TBC1D20: variants seen among roughly 807,000 people sequenced by gnomAD.
The protein encoded by TBC1D20 is chromosome 20 open reading frame 140.
TBC1D20 carries 12 observed loss-of-function variants against 41.6 expected under a neutral mutation model. The ratio of observed to expected loss-of-function variants is 0.29; its 90% CI spans 0.18 to 0.47. The LOEUF (loss-of-function observed/expected upper bound fraction) is 0.47. Ranked by LOEUF, TBC1D20 falls within the 20% of genes least tolerant of loss-of-function variation. TBC1D20 has a pLI of 1.00. For missense variants in TBC1D20, 421 were observed against 517.4 expected (o/e 0.81, Z 1.81); for synonymous variants, 205 against 204.8 (o/e 1.00, Z -0.01).
intron 1 of TBC1D20, among the ~76,000 whole-genome samples, chr20:462,123 G>C (rs1568471524): frequency 6.6e-6 from 1 of 152,168 alleles, no homozygotes; most frequent in African/African-American, 2.4e-5. Context: ...GGCTCCCTCG[G>C]GTCAGCTCGG....
intron 3 of TBC1D20, among the ~76,000 whole-genome samples, chr20:444,757 C>T (rs2017300291): frequency 6.6e-6 from 1 of 152,168 alleles, no homozygotes; most frequent in Non-Finnish European, 1.5e-5. Flanking sequence ...CACCAATCTG[C>T]TCTTTAATGC....
chr20:460,784 AC>A (rs1265742058), intron 1 of TBC1D20, among the ~76,000 whole-genome samples: 1 of 152,230 alleles, frequency 6.6e-6, no homozygotes, highest in Non-Finnish European at 1.5e-5. Flanking sequence ...CAAAACAATA[AC>A]AAAAACAAAA....
chr20:459,427 A>C (rs2017593932), intron 1 of TBC1D20, among the ~76,000 whole-genome samples: 1 of 152,100 alleles, frequency 6.6e-6, no homozygotes, highest in Non-Finnish European at 1.5e-5. Flanking sequence ...CCCACTTACA[A>C]GATAGTGCAC....
At chr20:444,486 T>C (rs563812551) in intron 3 of TBC1D20, among the ~76,000 whole-genome samples, 2 of 151,498 alleles carry the variant, frequency 1.3e-5, no homozygotes, top group Admixed American at 1.3e-4. Flanking sequence ...CTGTGAAAAT[T>C]GAGACAACGG....
At chr20:451,236 A>G (rs1041730641) in intron 1 of TBC1D20, among the ~76,000 whole-genome samples, 2 of 152,168 alleles carry the variant, frequency 1.3e-5, no homozygotes, top group Non-Finnish European at 2.9e-5. Flanking sequence ...CTTGCAGTGT[A>G]AGACGACCTT....
At chr20:459,481 G>A (rs988863976) in intron 1 of TBC1D20, among the ~76,000 whole-genome samples, 1 of 152,070 alleles carries the variant, frequency 6.6e-6, no homozygotes, top group Admixed American at 6.6e-5. Context: ...TTATAGTAGA[G>A]GTCTTGGCTA....
chr20:458,936 C>T (rs868708863), intron 1 of TBC1D20, among the ~76,000 whole-genome samples: 8 of 152,172 alleles, frequency 5.3e-5, no homozygotes, highest in Admixed American at 6.5e-5. Context: ...CCTCCTCAAC[C>T]CCACAGCCTA....
chr20:452,565 T>A (rs1197581239), intron 1 of TBC1D20, among the ~76,000 whole-genome samples: 1 of 152,108 alleles, frequency 6.6e-6, no homozygotes, highest in East Asian at 1.9e-4. Flanking sequence ...TGTGGTGAGC[T>A]ATGATAGCAC....
In TBC1D20 at chr20:440,311, G is replaced by A. The variant is rs768956452; in HGVS notation, c.705C>T (p.Val235=). The A allele has an allele frequency of 5.6e-6, 9 of 1,613,954 alleles. No homozygotes were observed. The South Asian group carries it at 7.7e-5, about 14-fold the overall frequency. The change falls in exon 6 of 8, where the codon GTC becomes GTT. Residue 235 remains valine (V), a synonymous_variant. Coordinates refer to ENST00000354200, the MANE Select transcript of TBC1D20 (RefSeq NM_144628.4). The part of the protein sequence containing the change: ...FGHVLSDFRH[V]VRLYDFFLAC... ...CCAGGAAGAAGTCATATAACCGCAC[G>A]ACGTGCCTGAAGTCAGACAGGACAT...
rs1280141129 is a variant in TBC1D20, at chr20:441,964, C to T, written c.417G>A (p.Gln139=). 2 of 1,614,086 alleles carry T rather than the reference C, an allele frequency of 1.2e-6. No homozygotes were observed. Among genetic ancestry groups the T allele is most frequent in the Non-Finnish European group, 1.7e-6 (2 of 1,180,012 alleles). The change falls in exon 4 of 8, where the codon CAG becomes CAA. Residue 139 remains glutamine (Q), a synonymous_variant. Coordinates refer to ENST00000354200, the MANE Select transcript of TBC1D20 (RefSeq NM_144628.4). ...IILLILERNP[Q]LHYYQGYHDI... The stretch of plus-strand genomic sequence containing the variant: ...CATGGTAGCCCTGGTAGTAGTGCAG[C>T]TGAGGGTTGCGCTCCAAGATGAGGA...
chr20:460,348 C>CTTAA (rs2017608015), intron 1 of TBC1D20, among the ~76,000 whole-genome samples: 1 of 151,076 alleles, frequency 6.6e-6, no homozygotes, highest in African/African-American at 2.4e-5. Flanking sequence ...GGGAGGAGCA[C>CTTAA]TTAAGTCCAG....
intron 1 of TBC1D20, among the ~76,000 whole-genome samples, chr20:453,153 CAAAAAAAAAAAAAAAAAAAAAAAA>C (rs71191943): frequency 8.9e-5 from 4 of 44,838 alleles, no homozygotes; most frequent in Non-Finnish European, 1.1e-4. Context: ...AACTCCGTTT[CAAAAAAAAAAAAAAAAAAAAAAAA>C]AAAAAAAAAA....
chr20:445,217 G>C lies in TBC1D20; in HGVS notation c.257-87C>G, dbSNP rs2017310252. 6 of 917,954 alleles carry C rather than the reference G, an allele frequency of 6.5e-6. No homozygotes were observed. The East Asian group carries it at 1.1e-4, about 16-fold the overall frequency. The allele number at this position is 917,954 out of a possible 1,614,324, so 56.9% of individuals were successfully genotyped here. A position where few individuals can be genotyped will look rare whatever the true frequency, so the allele number is the denominator to read the frequency against. On this transcript the variant is annotated intron_variant, in intron 2 of 7. Transcript: ENST00000354200. ...ATTCTGGGATGACACAAAAGGCCTAGAGGGCACATGTCAGCTTCTCCTGAA... is the reference window on the plus strand; with the variant it reads ...ATTCTGGGATGACACAAAAGGCCTACAGGGCACATGTCAGCTTCTCCTGAA...
chr20:454,676 T>C (rs1420502095), intron 1 of TBC1D20, among the ~76,000 whole-genome samples: 2 of 151,852 alleles, frequency 1.3e-5, no homozygotes, highest in Non-Finnish European at 2.9e-5. Flanking sequence ...ATTATTATTT[T>C]ATTTTTATTT....
chr20:457,283 T>C (rs1194615921), intron 1 of TBC1D20, among the ~76,000 whole-genome samples: 1 of 152,162 alleles, frequency 6.6e-6, no homozygotes, highest in Non-Finnish European at 1.5e-5. Context: ...CTCACTCTGT[T>C]GCCTTGGCTG....
Position 440,266 on chromosome 20 carries a change from C to T in TBC1D20, c.750G>A (p.Pro250=), listed in dbSNP as rs372373111. The change falls in exon 6 of 8, where the codon CCG becomes CCA. Residue 250 remains proline (P), a synonymous_variant. Transcript: ENST00000354200. The stretch of plus-strand genomic sequence containing the variant: ...TACCTACCACGGCTGCAAAGTAAAT[C>T]GGCATCAGTGGGTGGCAGGCCAGGA... ...DFFLACHPLM[P]IYFAAVIVLY... is the part of the protein sequence containing the mutation. 25 of 1,613,074 alleles carry T rather than the reference C, an allele frequency of 1.5e-5. No homozygotes were observed. The highest frequency in any genetic ancestry group is 1.9e-5 in the Non-Finnish European group (22 of 1,179,616).
At chr20:449,392 C>T (rs142448721) in intron 1 of TBC1D20, among the ~76,000 whole-genome samples, 1 of 150,358 alleles carries the variant, frequency 6.7e-6, no homozygotes, top group African/African-American at 2.4e-5. Flanking sequence ...GTCAGGAGTT[C>T]GAGACCAGCC....
intron 3 of TBC1D20, among the ~76,000 whole-genome samples, chr20:444,558 GTTTGTTTT>G (rs1447860229): frequency 1.6e-5 from 2 of 122,212 alleles, no homozygotes; most frequent in Admixed American, 8.6e-5. Context: ...TTTTTTGTTT[GTTTGTTTT>G]GTTTTTATTT....
chr20:445,206 C>T, intron 2 of TBC1D20, 76 bp from the exon 3 acceptor site: 1 of 1,111,980 alleles, frequency 9.0e-7, no homozygotes, highest in South Asian at 1.3e-5. Context: ...TGGGATGACA[C>T]AAAAGGCCTA....
Sources: gnomAD v4.1 joint callset for allele counts (sites outside exome capture counted in the v4.1 genomes callset) on GRCh38, gnomAD v4.1.1 for gene constraint, MANE v1.5 for transcripts, NCBI Gene and HGNC (gene_info 2026-07-23, HGNC 2026-07-21) for gene names.